The following RPS6KA1 variants were observed in gnomAD, a reference collection of about 807,000 sequenced individuals.
RPS6KA1 encodes ribosomal protein S6 kinase A1, also known as ribosomal protein S6 kinase alpha-1.
Under a neutral mutation model 91.3 loss-of-function variants are expected in RPS6KA1, and 48 were observed. The ratio of observed to expected loss-of-function variants is 0.53; its 90% CI spans 0.42 to 0.67. The LOEUF (loss-of-function observed/expected upper bound fraction) is 0.67. RPS6KA1 is among the 30% of genes least tolerant of loss of function. RPS6KA1 has a pLI of 0.00. For missense variants in RPS6KA1, 719 were observed against 960.5 expected, an observed-to-expected ratio of 0.75 and a Z score of 3.32; for synonymous variants, 359 against 384.7, an observed-to-expected ratio of 0.93 and a Z score of 0.78.
intron 2 of RPS6KA1, among the ~76,000 whole-genome samples, chr1:26,542,000 T>TC (rs2075952815): frequency 6.6e-6 from 1 of 151,938 alleles, no homozygotes; most frequent in African/African-American, 2.4e-5. Flanking sequence ...GTGGCTGTCC[T>TC]CCCCCCGCCC....
chr1:26,574,800 C>CTA lies in RPS6KA1; in HGVS notation c.*599_*600insTA. The CTA allele has an allele frequency of 3.9e-6, 1 of 254,968 alleles. No homozygotes were observed. Among genetic ancestry groups the CTA allele is most frequent in the Non-Finnish European group, 7.9e-6 (1 of 126,422 alleles). The allele number at this position is 254,968 out of a possible 1,614,324, so 15.8% of individuals were successfully genotyped here. A position where few individuals can be genotyped will look rare whatever the true frequency, so the allele number is the denominator to read the frequency against. ...GGCTTCCAGCTTCAGGCACCAGCAT[C>CTA]CACCTTGGCTCTGCCAGTGGATCCC... On this transcript the variant is annotated 3_prime_UTR_variant, in exon 22 of 22. Transcript: ENST00000374168. The surrounding 1 kb of genome is among the most constrained non-coding windows in gnomAD (Gnocchi z 4.3).
In RPS6KA1 at chr1:26,554,175, C is replaced by T; in HGVS notation, c.576-39C>T. Reference sequence around the variant, plus strand: ...GTGGTAACACCATCACCCACACGGCCACAGCTGAGGGGCCCTGACCACTAT... The same window carrying T: ...GTGGTAACACCATCACCCACACGGCTACAGCTGAGGGGCCCTGACCACTAT... On this transcript the variant is annotated intron_variant, in intron 7 of 21. Coordinates refer to ENST00000374168, the MANE Select transcript of RPS6KA1 (RefSeq NM_002953.4). The surrounding 1 kb of genome is among the most constrained non-coding windows in gnomAD (Gnocchi z 4.6). The T allele has an allele frequency of 6.5e-7, 1 of 1,549,258 alleles. No homozygotes were observed. The highest frequency in any genetic ancestry group is 8.7e-7 in the Non-Finnish European group (1 of 1,145,554).
In RPS6KA1 at chr1:26,551,566, A is replaced by G; in HGVS notation, c.389-78A>G. ...TACACTGTCCCACCGCCTGCCTGGC[A>G]GGCCAAGGGAGCCAGGGCCGGAGAA... On this transcript the variant is annotated intron_variant, in intron 5 of 21. Coordinates refer to ENST00000374168, the MANE Select transcript of RPS6KA1 (RefSeq NM_002953.4). The surrounding 1 kb of genome is among the most constrained non-coding windows in gnomAD (Gnocchi z 4.5). The G allele has an allele frequency of 1.3e-6, 2 of 1,592,444 alleles. No individual in the cohort carries two copies. Among genetic ancestry groups the G allele is most frequent in the South Asian group, 2.2e-5 (2 of 90,638 alleles).
chr1:26,556,670 G>A lies in RPS6KA1; in HGVS notation c.933G>A (p.Gly311=). The A allele has an allele frequency of 6.2e-7, 1 of 1,614,196 alleles. No homozygotes were observed. Among genetic ancestry groups the A allele is most frequent in the Non-Finnish European group, 8.5e-7 (1 of 1,180,030 alleles). Residue 311 remains glycine, a synonymous_variant, in exon 12 of 22, where the codon GGG becomes GGA. Transcript: ENST00000374168. The stretch of plus-strand genomic sequence containing the variant: ...CTCTTTCAGGCTCCGGCCCTGATGG[G>A]GCAGAGGAAATCAAGCGGCATGTCT... ...PANRLGSGPD[G]AEEIKRHVFY...
intron 17 of RPS6KA1, among the ~76,000 whole-genome samples, chr1:26,565,790 G>C (rs1459183339): frequency 6.6e-6 from 1 of 152,096 alleles, no homozygotes; most frequent in Non-Finnish European, 1.5e-5. Context: ...TCGACCTCCT[G>C]ACCTCAAGTG....
intron 2 of RPS6KA1, among the ~76,000 whole-genome samples, chr1:26,539,035 A>G (rs372018878): frequency 6.6e-6 from 1 of 152,266 alleles, no homozygotes; most frequent in African/African-American, 2.4e-5. Flanking sequence ...GAAGCTTCCA[A>G]TCTTTGGGCA....
intron 1 of RPS6KA1, among the ~76,000 whole-genome samples, chr1:26,533,307 T>C (rs1020840030): frequency 2.0e-5 from 3 of 152,180 alleles, no homozygotes; most frequent in Admixed American, 6.5e-5. Flanking sequence ...CTCGATCTCT[T>C]GACCTCGTGA....
chr1:26,562,184 A>T (rs550727313), intron 17 of RPS6KA1, among the ~76,000 whole-genome samples: 2 of 152,228 alleles, frequency 1.3e-5, no homozygotes, highest in Non-Finnish European at 2.9e-5. Flanking sequence ...AGCCTGGGCA[A>T]CAGAGCGAAA....
chr1:26,554,828 G>T lies in RPS6KA1; in HGVS notation c.756+90G>T. ...CAGTGAGGGGGTTGATCATTTCTAG[G>T]GCTCTCCCCGTCTCCTCTCACAGCC... On this transcript the variant is annotated intron_variant, in intron 9 of 21. Transcript: ENST00000374168. This position sits in a 1 kb window ranked among gnomAD's most constrained non-coding sequence, Gnocchi z 4.6. 1 of 1,473,346 alleles carries T rather than the reference G, an allele frequency of 6.8e-7. No individual in the cohort carries two copies. Among genetic ancestry groups the T allele is most frequent in the Non-Finnish European group, 9.1e-7 (1 of 1,093,266 alleles). The allele number at this position is 1,473,346 out of a possible 1,614,324, so 91.3% of individuals were successfully genotyped here. A position where few individuals can be genotyped will look rare whatever the true frequency, so the allele number is the denominator to read the frequency against.
Position 26,574,260 on chromosome 1 carries a change from C to T in RPS6KA1, c.*59C>T. ...AGCTTGACACAGTCAGCATGCTTCC[C>T]AGAGGGAGCAGGCCGGAACCACAGG... On this transcript the variant is annotated 3_prime_UTR_variant, in exon 22 of 22. Coordinates refer to ENST00000374168, the MANE Select transcript of RPS6KA1 (RefSeq NM_002953.4). This position sits in a 1 kb window ranked among gnomAD's most constrained non-coding sequence, Gnocchi z 4.3. 4.4e-6 allele frequency: 7 copies of T among 1,605,858 alleles called. No individual in the cohort carries two copies. Among genetic ancestry groups the T allele is most frequent in the South Asian group, 3.3e-5 (3 of 90,830 alleles).
chr1:26,536,605 C>T (rs1449366437), intron 1 of RPS6KA1, among the ~76,000 whole-genome samples: 1 of 152,190 alleles, frequency 6.6e-6, no homozygotes, highest in Non-Finnish European at 1.5e-5. Context: ...CACACATGAC[C>T]CTTCCCTTCT....
rs754359785 is a variant in RPS6KA1, at chr1:26,571,860, C to T, written c.1764C>T (p.Arg588=). Residue 588 remains arginine (R), a synonymous_variant, in exon 19 of 22, where the codon CGC becomes CGT. Transcript: ENST00000374168. The surrounding 1 kb of genome is among the most constrained non-coding windows in gnomAD (Gnocchi z 5.1). The part of the protein sequence containing the change: ...ANFVAPEVLK[R]QGYDEGCDIW... The stretch of plus-strand genomic sequence containing the variant: ...TGCCCTGTTGCCAGGTGCTGAAGCG[C>T]CAGGGCTACGATGAAGGCTGCGACA... 6 of 1,609,900 alleles carry T rather than the reference C, an allele frequency of 3.7e-6. No individual in the cohort carries two copies. In the African/African-American group the frequency reaches 8.0e-5, roughly 21 times the overall value.
chr1:26,553,131 G>C (rs1293570353), intron 6 of RPS6KA1, among the ~76,000 whole-genome samples: 1 of 152,144 alleles, frequency 6.6e-6, no homozygotes, highest in Non-Finnish European at 1.5e-5. Context: ...GCAGGGGAGA[G>C]GGCTGATTCC....
chr1:26,569,531 TC>T lies in RPS6KA1; in HGVS notation c.1591-1915del, dbSNP rs573594772. 2.0e-5 allele frequency among the ~76,000 whole-genome samples: 3 copies of T among 152,260 alleles called. No homozygotes were observed. In the East Asian group the frequency reaches 5.8e-4, roughly 29 times the overall value. ...CCCCCTCATCTACCTGGCACTCTTC[TC>T]CCTATGGAGGTGGACTGTGCTGGGC... On this transcript the variant is annotated intron_variant, in intron 17 of 21. Transcript: ENST00000374168.
rs1570429528 is a variant in RPS6KA1 at position 26,545,213 on chromosome 1, A to G, written c.109-1654A>G. Among the ~76,000 whole-genome samples the G allele has an allele frequency of 2.1e-5, 3 of 144,992 alleles. No individual in the cohort carries two copies. In the South Asian group the frequency reaches 6.5e-4, roughly 31 times the overall value. ...GAGATGGAGTCTTGCTCTGCCACCCAGGCTGGAGTGCAGTGGCGCTATCTC... is the reference window on the plus strand; with the variant it reads ...GAGATGGAGTCTTGCTCTGCCACCCGGGCTGGAGTGCAGTGGCGCTATCTC... On this transcript the variant is annotated intron_variant, in intron 2 of 21. Transcript: ENST00000374168.
In RPS6KA1 at chr1:26,566,999, T is replaced by A. The variant is rs559532156; in HGVS notation, c.1591-4450T>A. Among the ~76,000 whole-genome samples the A allele has an allele frequency of 3.5e-3, 532 of 150,752 alleles. 1 individual carries two copies. Among genetic ancestry groups the A allele is most frequent in the Admixed American group, 5.7e-3 (85 of 14,994 alleles). ...GCCACTTTCCACAGGCCAGGCGGGG[T>A]TCTGTGCACTTTACATATTAACTTT... On this transcript the variant is annotated intron_variant, in intron 17 of 21. Transcript: ENST00000374168.
intron 6 of RPS6KA1, among the ~76,000 whole-genome samples, chr1:26,552,096 A>G (rs925561570): frequency 2.0e-5 from 3 of 152,170 alleles, no homozygotes; most frequent in African/African-American, 7.2e-5. Flanking sequence ...GAACCAATAT[A>G]AAAGGATTTG....
rs1557496091 is a variant in RPS6KA1, at chr1:26,546,945, G to A, written c.187G>A (p.Glu63Lys). 3.1e-6 allele frequency: 5 copies of A among 1,614,100 alleles called. No homozygotes were observed. Among genetic ancestry groups the A allele is most frequent in the Non-Finnish European group, 4.2e-6 (5 of 1,180,022 alleles). The part of the protein sequence containing the change: ...GSEKADPSHF[E>K]LLKVLGQGSF... ...TGAGAAGGCTGATCCATCCCATTTCGAGCTCCTCAAGGTTCTGGGCCAGGG... is the reference window on the plus strand; with the variant it reads ...TGAGAAGGCTGATCCATCCCATTTCAAGCTCCTCAAGGTTCTGGGCCAGGG... The change falls in exon 3 of 22, where the codon GAG (glutamate) becomes AAG (lysine). Residue 63 changes from glutamate to lysine, a missense_variant. Glu to Lys is a moderately conservative substitution (Grantham distance 56, BLOSUM62 1). Around this residue, in one of 5 missense-constraint regions of RPS6KA1, gnomAD observed 159 missense variants for 264.5 expected, o/e 0.60. Transcript: ENST00000374168.
At position 26,572,308 on chromosome 1, in the gene RPS6KA1, C is replaced by A; in HGVS notation, c.1947+15C>A. The A allele has an allele frequency of 1.3e-6, 2 of 1,567,238 alleles. No individual in the cohort carries two copies. The highest frequency in any genetic ancestry group is 1.8e-6 in the Non-Finnish European group (2 of 1,137,576). ...AGACAGCCAAGGTGAGTCTGTACGGCCTGCGTGGGCTTATTTGGAGGAGGG... is the reference window on the plus strand; with the variant it reads ...AGACAGCCAAGGTGAGTCTGTACGGACTGCGTGGGCTTATTTGGAGGAGGG... On this transcript the variant is annotated intron_variant, in intron 20 of 21. Coordinates refer to ENST00000374168, the MANE Select transcript of RPS6KA1 (RefSeq NM_002953.4).
Sources: allele counts gnomAD v4.1 joint callset (sites outside exome capture counted in the v4.1 genomes callset), GRCh38; gene constraint gnomAD v4.1.1; regional missense constraint gnomAD v4.1.1; non-coding constraint Gnocchi (gnomAD v3.1); transcripts MANE v1.5; gene names NCBI Gene and HGNC (gene_info 2026-07-23, HGNC 2026-07-21).